Variants in ADAMTS6 observed in about 807,000 individuals in gnomAD.
ADAMTS6 encodes ADAM metallopeptidase with thrombospondin type 1 motif 6.
A neutral mutation model predicts 144.3 loss-of-function variants in ADAMTS6; 23 were observed. That is an observed-to-expected ratio of 0.16 (90% confidence interval 0.11 to 0.23). The LOEUF (loss-of-function observed/expected upper bound fraction) is 0.23. ADAMTS6 is among the 10% of genes least tolerant of loss of function. The pLI is 1.00. For missense variants in ADAMTS6, 999 were observed against 1,379.6 expected (o/e 0.72, Z 4.37); for synonymous variants, 444 against 457.5 (o/e 0.97, Z 0.38).
At chr5:65,419,399 G>A (rs1755822518) in intron 7 of ADAMTS6, among the ~76,000 whole-genome samples, 1 of 152,112 alleles carries the variant, frequency 6.6e-6, no homozygotes, top group Non-Finnish European at 1.5e-5. Flanking sequence ...ACTACTACAG[G>A]ACAGAAGGAA....
At chr5:65,323,790 A>G (rs1334307275) in intron 9 of ADAMTS6, among the ~76,000 whole-genome samples, 3 of 152,078 alleles carry the variant, frequency 2.0e-5, no homozygotes, top group Non-Finnish European at 4.4e-5. Flanking sequence ...TTGTTTCCTG[A>G]CTTTTTAATG....
chr5:65,476,708 A>C (rs1760862845), intron 1 of ADAMTS6, among the ~76,000 whole-genome samples: 1 of 152,010 alleles, frequency 6.6e-6, no homozygotes, highest in African/African-American at 2.4e-5. Context: ...TCCCGGGTTC[A>C]AGTGATTCTC....
At chr5:65,335,328 A>C (rs1747199975) in intron 7 of ADAMTS6, among the ~76,000 whole-genome samples, 1 of 152,106 alleles carries the variant, frequency 6.6e-6, no homozygotes, top group Non-Finnish European at 1.5e-5. Context: ...GTAATTGGTA[A>C]GCCATGGGAC....
At chr5:65,442,992 C>G (rs1757983746) in intron 7 of ADAMTS6, among the ~76,000 whole-genome samples, 1 of 152,162 alleles carries the variant, frequency 6.6e-6, no homozygotes, top group South Asian at 2.1e-4. Context: ...ATCCATGTCC[C>G]TGCAAAAGAC....
intron 11 of ADAMTS6, among the ~76,000 whole-genome samples, chr5:65,279,254 T>C (rs970309036): frequency 2.6e-5 from 4 of 151,130 alleles, no homozygotes; most frequent in Non-Finnish European, 5.9e-5. Context: ...CTTTGTAGTC[T>C]TTCTTGTTGC....
intron 7 of ADAMTS6, 51 bp downstream of exon 7, chr5:65,451,424 A>G (rs1354648845): frequency 2.1e-5 from 33 of 1,603,970 alleles, no homozygotes; most frequent in Non-Finnish European, 2.7e-5. Flanking sequence ...ATTTATTACA[A>G]TAGTGAATAA....
At position 65,214,999 on chromosome 5, in the gene ADAMTS6, T is replaced by A; in HGVS notation, c.2437-67A>T. 6.6e-7 allele frequency: 1 copy of A among 1,526,308 alleles called. No individual in the cohort carries two copies. Among genetic ancestry groups the A allele is most frequent in the Non-Finnish European group, 8.8e-7 (1 of 1,135,102 alleles). The allele number at this position is 1,526,308 out of a possible 1,614,324, so 94.5% of individuals were successfully genotyped here. On this transcript the variant is annotated intron_variant, in intron 19 of 24. Coordinates refer to ENST00000381055, the MANE Select transcript of ADAMTS6 (RefSeq NM_197941.4). This position sits in a 1 kb window ranked among gnomAD's most constrained non-coding sequence, Gnocchi z 4.6. ...GAGCCTTCATTCAGATATTTATTAT[T>A]CCTTTTGAAGAAGAAAATGTCAAAA...
chr5:65,414,919 A>G (rs1755372617), intron 7 of ADAMTS6, among the ~76,000 whole-genome samples: 1 of 152,228 alleles, frequency 6.6e-6, no homozygotes, highest in East Asian at 1.9e-4. Context: ...ATGACCTTGT[A>G]TTAAGCAATG....
At chr5:65,464,341 C>T (rs55862945) in intron 3 of ADAMTS6, among the ~76,000 whole-genome samples, 31,243 of 151,826 alleles carry the variant, frequency 0.21, 4,906 homozygotes, top group African/African-American at 0.44. Flanking sequence ...TGTGTAACAC[C>T]TTAAATAAGA....
Position 65,364,564 on chromosome 5 carries a change from C to CTT in ADAMTS6, c.1074-30481_1074-30480dup, listed in dbSNP as rs1245835544. Among the ~76,000 whole-genome samples the CTT allele has an allele frequency of 1.9e-3, 222 of 117,832 alleles. 1 individual carries two copies. Among genetic ancestry groups the CTT allele is most frequent in the African/African-American group, 4.8e-3 (149 of 30,812 alleles). 77.3% of individuals were successfully genotyped at this position (117,832 alleles called of 152,430 possible). ...TATGGAATCCTGAATGAATTTCTTT[C>CTT]TTTTTTTTTTTTTTTTTTTTGGGAC... is the stretch of plus-strand genomic sequence containing the variant. On this transcript the variant is annotated intron_variant, in intron 7 of 24. Transcript: ENST00000381055.
chr5:65,349,701 A>G (rs931606320), intron 7 of ADAMTS6, among the ~76,000 whole-genome samples: 5 of 152,056 alleles, frequency 3.3e-5, no homozygotes, highest in African/African-American at 1.2e-4. Flanking sequence ...CTAAAAATAC[A>G]AAAATTAGCT....
intron 7 of ADAMTS6, among the ~76,000 whole-genome samples, chr5:65,425,772 T>C (rs1221609144): frequency 2.0e-5 from 3 of 152,114 alleles, no homozygotes; most frequent in Non-Finnish European, 4.4e-5. Context: ...TGCTTCTTTT[T>C]TTTTTTTTTG....
Position 65,471,234 on chromosome 5 carries a change from C to T in ADAMTS6, c.98-92G>A, listed in dbSNP as rs140798292. The T allele has an allele frequency of 3.9e-6, 5 of 1,289,278 alleles. No individual in the cohort carries two copies. In the African/African-American group the frequency reaches 7.7e-5, roughly 20 times the overall value. The allele number at this position is 1,289,278 out of a possible 1,614,324, so 79.9% of individuals were successfully genotyped here. A position where few individuals can be genotyped will look rare whatever the true frequency, so the allele number is the denominator to read the frequency against. ...AAAGAAGCAGCAATATAAACAACAA[C>T]TATGTCAATTAAAACTATGAATCAT... On this transcript the variant is annotated intron_variant, in intron 2 of 24. Transcript: ENST00000381055.
At chr5:65,470,211 A>G (rs1760328537) in intron 3 of ADAMTS6, among the ~76,000 whole-genome samples, 1 of 152,156 alleles carries the variant, frequency 6.6e-6, no homozygotes, top group Non-Finnish European at 1.5e-5. Flanking sequence ...GACATGAGCC[A>G]CCTCACCCAG....
chr5:65,431,915 T>TATAG (rs1189505198), intron 7 of ADAMTS6, among the ~76,000 whole-genome samples: 2 of 152,054 alleles, frequency 1.3e-5, no homozygotes, highest in Admixed American at 6.6e-5. Context: ...TATACTTAAC[T>TATAG]ATAGATGGTA....
chr5:65,466,668 T>C (rs944948300), intron 3 of ADAMTS6, among the ~76,000 whole-genome samples: 1 of 152,176 alleles, frequency 6.6e-6, no homozygotes, highest in Non-Finnish European at 1.5e-5. Context: ...GAAAGTCTAA[T>C]GGGATCATTG....
intron 7 of ADAMTS6, among the ~76,000 whole-genome samples, chr5:65,444,139 C>A (rs1758085295): frequency 6.6e-6 from 1 of 152,128 alleles, no homozygotes; most frequent in Admixed American, 6.5e-5. Context: ...TGCCTGTAAT[C>A]CCAGCACTTT....
intron 7 of ADAMTS6, among the ~76,000 whole-genome samples, chr5:65,446,756 A>T (rs1370706443): frequency 6.6e-6 from 1 of 152,202 alleles, no homozygotes; most frequent in Non-Finnish European, 1.5e-5. Context: ...GAGTAGGTAA[A>T]TCTATATAGA....
chr5:65,326,040 A>G (rs1169219510), intron 9 of ADAMTS6, among the ~76,000 whole-genome samples: 1 of 152,160 alleles, frequency 6.6e-6, no homozygotes, highest in Admixed American at 6.6e-5. Flanking sequence ...CTTTTAAAAG[A>G]AAATCCTGGA....
Sources: allele counts gnomAD v4.1 joint callset (sites outside exome capture counted in the v4.1 genomes callset), GRCh38; gene constraint gnomAD v4.1.1; non-coding constraint Gnocchi (gnomAD v3.1); transcripts MANE v1.5; gene names NCBI Gene and HGNC (gene_info 2026-07-23, HGNC 2026-07-21).